Variants in PYGO1 observed in about 807,000 individuals in gnomAD.
The protein encoded by PYGO1 is pygopus family PHD finger 1.
A neutral mutation model predicts 29.5 loss-of-function variants in PYGO1; 6 were observed. That is an observed-to-expected ratio of 0.20 (90% CI 0.11 to 0.40). PYGO1 has a LOEUF of 0.40. Among genes scored for constraint, PYGO1 ranks in the 10% least tolerant of loss-of-function variants. The pLI, the probability that PYGO1 is intolerant of heterozygous loss-of-function variation, is 1.00. For synonymous variants in PYGO1, 186 were observed against 180.5 expected (o/e 1.03, Z -0.24); for missense variants, 515 against 514.9 (o/e 1.00, Z 0.00).
At chr15:55,578,924 T>C (rs1490899068) in intron 1 of PYGO1, among the ~76,000 whole-genome samples, 1 of 152,178 alleles carries the variant, frequency 6.6e-6, no homozygotes, top group Non-Finnish European at 1.5e-5. Context: ...ACTAGTTGCC[T>C]CCCTAAAATC....
chr15:55,565,647 G>A (rs1386070423), intron 1 of PYGO1, among the ~76,000 whole-genome samples: 2 of 152,076 alleles, frequency 1.3e-5, no homozygotes, highest in South Asian at 2.1e-4. Flanking sequence ...CCCGGGAGGC[G>A]GTGCTTGCAG....
At chr15:55,556,368 A>G (rs1014180720) in intron 1 of PYGO1, among the ~76,000 whole-genome samples, 1 of 152,214 alleles carries the variant, frequency 6.6e-6, no homozygotes, top group Admixed American at 6.5e-5. Flanking sequence ...ATACAACTAC[A>G]TGAAAACTGA....
chr15:55,558,187 C>T (rs1051920878), intron 1 of PYGO1, among the ~76,000 whole-genome samples: 4 of 152,170 alleles, frequency 2.6e-5, no homozygotes, highest in African/African-American at 4.8e-5. Context: ...AAATCACAAG[C>T]ATTCTTATAC....
Position 55,542,273 on chromosome 15 carries a change from A to T in PYGO1, c.*3750T>A, listed in dbSNP as rs2058830933. The stretch of plus-strand genomic sequence containing the variant: ...AAGTTGGCAGATTTTATGATGACCC[A>T]CACTATTAAGAGGTTTTTCTGCCAC... On this transcript the variant is annotated 3_prime_UTR_variant, in exon 3 of 3. Transcript: ENST00000563719. 1 of 152,246 alleles carries T rather than the reference A, an allele frequency of 6.6e-6. No individual in the cohort carries two copies. The highest frequency in any genetic ancestry group is 1.5e-5 in the Non-Finnish European group (1 of 68,052). The allele number at this position is 152,246 out of a possible 1,614,324, so 9.4% of individuals were successfully genotyped here. A position where few individuals can be genotyped will look rare whatever the true frequency, so the allele number is the denominator to read the frequency against.
At chr15:55,587,255 T>C (rs62021896) in intron 1 of PYGO1, among the ~76,000 whole-genome samples, 7,481 of 152,270 alleles carry the variant, frequency 0.049, 255 homozygotes, top group Middle Eastern at 0.092. Context: ...CAACCATGCA[T>C]AACACTGATT....
At chr15:55,575,797 G>T (rs1276318353) in intron 1 of PYGO1, among the ~76,000 whole-genome samples, 3 of 152,096 alleles carry the variant, frequency 2.0e-5, no homozygotes, top group African/African-American at 7.2e-5. Context: ...CAGGCCTACA[G>T]GGCTGCTCTT....
chr15:55,553,923 C>G (rs111322919), intron 1 of PYGO1, among the ~76,000 whole-genome samples: 86 of 152,220 alleles, frequency 5.6e-4, no homozygotes, highest in African/African-American at 1.9e-3. Flanking sequence ...CAGCAAACTG[C>G]AGCAGCCCTA....
At chr15:55,564,589 C>T (rs1002588410) in intron 1 of PYGO1, among the ~76,000 whole-genome samples, 10 of 82,248 alleles carry the variant, frequency 1.2e-4, no homozygotes, top group African/African-American at 3.0e-4. Context: ...GGTGGCCATG[C>T]CTGTCCCAGG....
At chr15:55,571,621 G>C (rs554626920) in intron 1 of PYGO1, among the ~76,000 whole-genome samples, 2 of 152,302 alleles carry the variant, frequency 1.3e-5, no homozygotes, top group Admixed American at 6.5e-5. Flanking sequence ...CGTGAGATGT[G>C]ACTTGCTCCA....
intron 1 of PYGO1, among the ~76,000 whole-genome samples, chr15:55,571,508 T>C (rs2058979946): frequency 6.6e-6 from 1 of 152,110 alleles, no homozygotes; most frequent in African/African-American, 2.4e-5. Flanking sequence ...GGGCAGGTCT[T>C]TCCTATGCTG....
chr15:55,573,000 T>G (rs2058986353), intron 1 of PYGO1, among the ~76,000 whole-genome samples: 1 of 121,332 alleles, frequency 8.2e-6, no homozygotes, highest in African/African-American at 2.8e-5. Flanking sequence ...ACAGTGAGAC[T>G]CTGTCTTTAA....
chr15:55,550,681 G>GTATATT (rs1460859630), intron 1 of PYGO1, among the ~76,000 whole-genome samples: 2 of 151,662 alleles, frequency 1.3e-5, no homozygotes, highest in African/African-American at 4.8e-5. Flanking sequence ...TTGCTTTTTT[G>GTATATT]GTTTTTCAAC....
At chr15:55,547,827 C>A (rs2058859506) in intron 2 of PYGO1, among the ~76,000 whole-genome samples, 1 of 152,134 alleles carries the variant, frequency 6.6e-6, no homozygotes, top group African/African-American at 2.4e-5. Flanking sequence ...TTGCTTGTTA[C>A]AACCACAAGT....
chr15:55,588,033 C>A lies in PYGO1; in HGVS notation c.-150G>T, dbSNP rs1371961640. The A allele has an allele frequency of 8.1e-7, 1 of 1,235,572 alleles. No individual in the cohort carries two copies. Among genetic ancestry groups the A allele is most frequent in the Non-Finnish European group, 1.0e-6 (1 of 985,218 alleles). The allele number at this position is 1,235,572 out of a possible 1,614,324, so 76.5% of individuals were successfully genotyped here. Reference sequence around the variant, plus strand: ...GGCCGAGGGCGGTGGGGACGCGGGCCGACTTTGCAAAGTTTGGGAGGAGGA... The same window carrying A: ...GGCCGAGGGCGGTGGGGACGCGGGCAGACTTTGCAAAGTTTGGGAGGAGGA... On this transcript the variant is annotated 5_prime_UTR_variant, in exon 1 of 3. Transcript: ENST00000563719.
intron 1 of PYGO1, among the ~76,000 whole-genome samples, chr15:55,586,152 A>C (rs1001347011): frequency 3.3e-5 from 5 of 152,178 alleles, no homozygotes; most frequent in African/African-American, 1.2e-4. Flanking sequence ...GTGGTCCTTC[A>C]TCTCTACATC....
rs567805061 is a variant in PYGO1 at position 55,580,278 on chromosome 15, A to T, written c.49+7557T>A. Reference sequence around the variant, plus strand: ...AACCTCAGAGTTTTCTGCTTAAAAAATTTTTTTTTGTTCATTGTTTTCTTT... The same window carrying T: ...AACCTCAGAGTTTTCTGCTTAAAAATTTTTTTTTTGTTCATTGTTTTCTTT... On this transcript the variant is annotated intron_variant, in intron 1 of 2. Transcript: ENST00000563719. 1.1e-4 allele frequency among the ~76,000 whole-genome samples: 16 copies of T among 151,976 alleles called. No individual in the cohort carries two copies. In the East Asian group the frequency reaches 1.2e-3, roughly 11 times the overall value.
chr15:55,552,040 A>T (rs1283274483), intron 1 of PYGO1, among the ~76,000 whole-genome samples: 1 of 152,054 alleles, frequency 6.6e-6, no homozygotes, highest in Admixed American at 6.6e-5. Flanking sequence ...AATACCAAGG[A>T]GGGGTCAAGG....
intron 1 of PYGO1, among the ~76,000 whole-genome samples, chr15:55,576,455 CAAAAAAAA>C (rs71105896): frequency 2.2e-5 from 1 of 46,414 alleles, no homozygotes; most frequent in Admixed American, 2.8e-4. Context: ...GACTCCGTCT[CAAAAAAAA>C]AAAAAAAAAA....
intron 2 of PYGO1, among the ~76,000 whole-genome samples, chr15:55,548,119 A>G (rs555591205): frequency 5.9e-5 from 9 of 152,188 alleles, no homozygotes; most frequent in Admixed American, 2.0e-4. Context: ...TTCCAGGTTC[A>G]AGCAATTCTC....
Sources: gnomAD v4.1 joint callset for allele counts (sites outside exome capture counted in the v4.1 genomes callset) on GRCh38, gnomAD v4.1.1 for gene constraint, MANE v1.5 for transcripts, NCBI Gene and HGNC (gene_info 2026-07-23, HGNC 2026-07-21) for gene names.